The following NBEA variants were observed in gnomAD, a reference collection of about 807,000 sequenced individuals.
NBEA encodes lysosomal-trafficking regulator 2.
Under a neutral mutation model 343.4 loss-of-function variants are expected in NBEA, and 44 were observed. The observed-to-expected ratio is 0.13, with a 90% CI of 0.10 to 0.16. NBEA has a LOEUF of 0.16. Ranked by LOEUF, NBEA falls within the 10% of genes least tolerant of loss-of-function variation. The probability of loss-of-function intolerance (pLI) is 1.00; values close to 1 mark genes in which losing one functional copy is unlikely to be tolerated. For missense variants in NBEA, 2,555 were observed against 3,631.3 expected, an observed-to-expected ratio of 0.70 and a Z score of 7.62; for synonymous variants, 1,175 against 1,238.7, an observed-to-expected ratio of 0.95 and a Z score of 1.08.
In NBEA at chr13:35,301,848, T is replaced by C. The variant is rs572742540; in HGVS notation, c.5839-7680T>C. On this transcript the variant is annotated intron_variant, in intron 35 of 58. Transcript: ENST00000379939. ...TGCTCTGCATCCTCGCCAGCATCTG[T>C]TGCTTCCAGACTTTTTAATGATCGC... Among the ~76,000 whole-genome samples, 13 of 152,268 alleles carry C rather than the reference T, an allele frequency of 8.5e-5. No homozygotes were observed. The South Asian group carries it at 2.7e-3, about 32-fold the overall frequency.
chr13:35,111,414 G>C (rs1593379297), intron 13 of NBEA, among the ~76,000 whole-genome samples: 1 of 150,322 alleles, frequency 6.7e-6, no homozygotes, highest in South Asian at 2.1e-4. Flanking sequence ...TGAAAATATA[G>C]CCAGTTTTTC....
At chr13:35,229,604 T>C (rs1366384279) in intron 33 of NBEA, among the ~76,000 whole-genome samples, 2 of 152,168 alleles carry the variant, frequency 1.3e-5, no homozygotes, top group Admixed American at 6.6e-5. Context: ...AACAGATAGC[T>C]GTCTCATGTG....
In NBEA at chr13:35,315,393, G is replaced by A. The variant is rs546018229; in HGVS notation, c.5903+5801G>A. Among the ~76,000 whole-genome samples the A allele has an allele frequency of 4.1e-4, 62 of 152,102 alleles. 1 individual carries two copies. In the South Asian group the frequency reaches 0.012, roughly 30 times the overall value. ...GGATCATTTAAAGGAATCTAACAAA[G>A]GATCTTTATAATTAAAACAAAGCAA... On this transcript the variant is annotated intron_variant, in intron 36 of 58. Coordinates refer to ENST00000379939, the MANE Select transcript of NBEA (RefSeq NM_001385012.1).
At chr13:35,305,840 G>A (rs751433932) in intron 35 of NBEA, among the ~76,000 whole-genome samples, 1 of 152,128 alleles carries the variant, frequency 6.6e-6, no homozygotes, top group Non-Finnish European at 1.5e-5. Flanking sequence ...TTGAACAAGA[G>A]TCAGTGATAA....
At chr13:34,957,115 T>A (rs1372410185) in intron 1 of NBEA, among the ~76,000 whole-genome samples, 2 of 152,066 alleles carry the variant, frequency 1.3e-5, no homozygotes, top group African/African-American at 4.8e-5. Context: ...ATACCCACCA[T>A]AGTGATATTT....
At chr13:35,593,555 C>A in intron 47 of NBEA, 108 bp downstream of exon 47, 1 of 729,072 alleles carries the variant, frequency 1.4e-6, no homozygotes, top group Non-Finnish European at 2.1e-6. Flanking sequence ...TTTGTTCCAT[C>A]ATATTAAAAT....
chr13:35,670,540 G>T (rs2085567509), intron 58 of NBEA, among the ~76,000 whole-genome samples: 1 of 152,216 alleles, frequency 6.6e-6, no homozygotes, highest in African/African-American at 2.4e-5. Context: ...GATAGGAAGA[G>T]ATGCCAGATA....
chr13:35,465,640 C>A (rs1296486099), intron 40 of NBEA, among the ~76,000 whole-genome samples: 1 of 152,180 alleles, frequency 6.6e-6, no homozygotes, highest in Non-Finnish European at 1.5e-5. Flanking sequence ...ACAGAAATCT[C>A]AGCTGGCTCA....
intron 36 of NBEA, 63 bp downstream of exon 36, chr13:35,309,655 T>C (rs1224787371): frequency 7.9e-6 from 7 of 884,098 alleles, no homozygotes; most frequent in Non-Finnish European, 1.7e-6. Flanking sequence ...GGGCAATTGC[T>C]CTTTCCTACC....
intron 45 of NBEA, among the ~76,000 whole-genome samples, chr13:35,583,042 A>G (rs2081128674): frequency 1.3e-5 from 2 of 152,346 alleles, no homozygotes; most frequent in South Asian, 4.1e-4. Context: ...AACTTAAATC[A>G]AAATAATGTG....
chr13:35,627,854 A>G (rs1268242590), intron 48 of NBEA, among the ~76,000 whole-genome samples: 1 of 152,062 alleles, frequency 6.6e-6, no homozygotes, highest in African/African-American at 2.4e-5. Context: ...AGAAAGGGAA[A>G]ATTTTCATTT....
At chr13:35,240,933 A>G (rs34592420) in intron 34 of NBEA, among the ~76,000 whole-genome samples, 11 of 151,804 alleles carry the variant, frequency 7.2e-5, no homozygotes, top group Non-Finnish European at 1.3e-4. Flanking sequence ...ATATTTTGTA[A>G]TAAAATATTT....
intron 34 of NBEA, among the ~76,000 whole-genome samples, chr13:35,267,435 T>C (rs2033776509): frequency 1.3e-5 from 2 of 152,100 alleles, no homozygotes; most frequent in South Asian, 4.1e-4. Context: ...CATTAGGGCA[T>C]TGGATTTGGC....
intron 44 of NBEA, among the ~76,000 whole-genome samples, chr13:35,560,725 CT>C (rs2079821134): frequency 6.6e-6 from 1 of 152,132 alleles, no homozygotes; most frequent in Admixed American, 6.5e-5. Flanking sequence ...TCTTCATTAC[CT>C]CCACTCTGCA....
At position 35,091,108 on chromosome 13, in the gene NBEA, GAAGGCTATAGAAGCCAA is replaced by G. The variant is rs1417945282; in HGVS notation, c.1572-7186_1572-7170del. Among the ~76,000 whole-genome samples the G allele has an allele frequency of 3.3e-5, 5 of 152,070 alleles. No homozygotes were observed. In the East Asian group the frequency reaches 5.8e-4, roughly 18 times the overall value. On this transcript the variant is annotated intron_variant, in intron 10 of 58. Coordinates refer to ENST00000379939, the MANE Select transcript of NBEA (RefSeq NM_001385012.1). ...CCCTCATGTGGTCTTATCACCAATG[GAAGGCTATAGAAGCCAA>G]AACTCTGAGGGAGGCTTTTCTTTGA...
chr13:34,978,517 A>G (rs2060254325), intron 1 of NBEA, among the ~76,000 whole-genome samples: 1 of 152,162 alleles, frequency 6.6e-6, no homozygotes, highest in Non-Finnish European at 1.5e-5. Context: ...GAAAACATCT[A>G]ATATTCTGTG....
chr13:35,599,176 C>A (rs1593328399), intron 47 of NBEA, among the ~76,000 whole-genome samples: 1 of 152,142 alleles, frequency 6.6e-6, no homozygotes, highest in Admixed American at 6.5e-5. Flanking sequence ...CACCAGGCTC[C>A]TCACCACCCC....
At chr13:35,061,814 A>G (rs1245500455) in intron 8 of NBEA, among the ~76,000 whole-genome samples, 1 of 151,710 alleles carries the variant, frequency 6.6e-6, no homozygotes, top group African/African-American at 2.4e-5. Flanking sequence ...TCTGCATATA[A>G]TATAGATAAC....
At chr13:35,578,662 AT>A (rs1315209509) in intron 45 of NBEA, among the ~76,000 whole-genome samples, 2 of 152,182 alleles carry the variant, frequency 1.3e-5, no homozygotes, top group Non-Finnish European at 2.9e-5. Context: ...TAGAAAATGG[AT>A]GTGAAGACAA....
Sources: allele counts gnomAD v4.1 joint callset (sites outside exome capture counted in the v4.1 genomes callset), GRCh38; gene constraint gnomAD v4.1.1; transcripts MANE v1.5; gene names NCBI Gene and HGNC (gene_info 2026-07-23, HGNC 2026-07-21).